The following PHACTR1 variants were observed in gnomAD, a reference collection of about 807,000 sequenced individuals.
PHACTR1 encodes the protein phosphatase and actin regulator 1, also known as RPEL repeat containing 1.
Under a neutral mutation model 69.2 loss-of-function variants are expected in PHACTR1, and 16 were observed. The ratio of observed to expected loss-of-function variants is 0.23; its 90% confidence interval spans 0.16 to 0.35. The LOEUF is 0.35. PHACTR1 is among the 10% of genes least tolerant of loss of function. PHACTR1 has a pLI of 1.00. For missense variants in PHACTR1, 510 were observed against 734.7 expected (o/e 0.69, Z 3.54); for synonymous variants, 312 against 284.5 (o/e 1.10, Z -0.97).
At chr6:13,039,322 T>C (rs146408410) in intron 4 of PHACTR1, among the ~76,000 whole-genome samples, 1 of 152,364 alleles carries the variant, frequency 6.6e-6, no homozygotes, top group African/African-American at 2.4e-5. Context: ...CAGTAATCAC[T>C]TAAATATGTT....
intron 4 of PHACTR1, among the ~76,000 whole-genome samples, chr6:13,021,457 G>C (rs1800962614): frequency 6.6e-6 from 1 of 152,066 alleles, no homozygotes; most frequent in Admixed American, 6.6e-5. Context: ...CCACTCTTTG[G>C]CTTTGCTGAA....
chr6:13,026,423 G>A lies in PHACTR1; in HGVS notation c.251-26942G>A, dbSNP rs978868984. On this transcript the variant is annotated intron_variant, in intron 4 of 14. Transcript: ENST00000332995. ...ATTCTCTGTTTTCCTTCTTGCAAAC[G>A]GGGCCCAGGTATAGGAGGGTCAAGC... 2.6e-5 allele frequency among the ~76,000 whole-genome samples: 4 copies of A among 152,056 alleles called. 1 individual carries two copies. The highest frequency in any genetic ancestry group is 4.8e-5 in the African/African-American group (2 of 41,402).
chr6:13,252,297 C>A, intron 10 of PHACTR1, among the ~76,000 whole-genome samples: 1 of 137,372 alleles, frequency 7.3e-6, no homozygotes, highest in Non-Finnish European at 1.5e-5. Flanking sequence ...CACTGCAGTC[C>A]AGCCTGAGCA....
At chr6:13,141,746 T>C (rs1822519507) in intron 5 of PHACTR1, among the ~76,000 whole-genome samples, 1 of 149,152 alleles carries the variant, frequency 6.7e-6, no homozygotes, top group African/African-American at 2.5e-5. Context: ...TTTTTTTTGT[T>C]GTGCTTGTTT....
intron 4 of PHACTR1, among the ~76,000 whole-genome samples, chr6:13,021,718 C>A (rs972241339): frequency 6.6e-6 from 1 of 152,166 alleles, no homozygotes; most frequent in Non-Finnish European, 1.5e-5. Flanking sequence ...ATGATAGCCA[C>A]CCTGCAGGAC....
chr6:13,053,834 G>A (rs774714498), intron 5 of PHACTR1, among the ~76,000 whole-genome samples: 17 of 152,118 alleles, frequency 1.1e-4, no homozygotes, highest in South Asian at 4.1e-4. Flanking sequence ...TCATTCTGGC[G>A]TTGATGATGC....
intron 4 of PHACTR1, among the ~76,000 whole-genome samples, chr6:12,784,076 T>C (rs1336414373): frequency 6.6e-6 from 1 of 152,050 alleles, no homozygotes; most frequent in East Asian, 1.9e-4. Context: ...GATATATGCA[T>C]GGACATACAC....
chr6:13,276,454 C>T (rs1778927360), intron 11 of PHACTR1, among the ~76,000 whole-genome samples: 1 of 151,924 alleles, frequency 6.6e-6, no homozygotes, highest in Non-Finnish European at 1.5e-5. Context: ...CCTTTCTAGG[C>T]ACAGGGGGTT....
rs77098069 is a variant in PHACTR1 at position 12,834,554 on chromosome 6, G to A, written c.250+84764G>A. 7.1e-3 allele frequency among the ~76,000 whole-genome samples: 1,074 copies of A among 152,242 alleles called. 17 individuals are homozygous for A. The highest frequency in any genetic ancestry group is 0.025 in the African/African-American group (1,020 of 41,544). ...AAAGGTATATGCAAAATGTGCACCCGTGAATAAAATTTATATAGATGTAGC... is the reference window on the plus strand; with the variant it reads ...AAAGGTATATGCAAAATGTGCACCCATGAATAAAATTTATATAGATGTAGC... On this transcript the variant is annotated intron_variant, in intron 4 of 14. Coordinates refer to ENST00000332995, the MANE Select transcript of PHACTR1 (RefSeq NM_030948.6).
intron 4 of PHACTR1, among the ~76,000 whole-genome samples, chr6:13,000,195 G>A (rs899587315): frequency 7.9e-5 from 12 of 152,190 alleles, no homozygotes; most frequent in Non-Finnish European, 1.2e-4. Context: ...AAGGCATGGT[G>A]TTGTTGAGGA....
chr6:13,118,108 A>C (rs879814327), intron 5 of PHACTR1, among the ~76,000 whole-genome samples: 2 of 152,246 alleles, frequency 1.3e-5, no homozygotes, highest in African/African-American at 2.4e-5. Context: ...AAAGCTTCCG[A>C]GAAATATTTT....
At chr6:13,115,668 T>C (rs573130803) in intron 5 of PHACTR1, among the ~76,000 whole-genome samples, 4 of 152,172 alleles carry the variant, frequency 2.6e-5, no homozygotes, top group South Asian at 2.1e-4. Flanking sequence ...CCCATCCTGA[T>C]GGCTTTAAAC....
At chr6:12,768,980 A>G (rs1769035731) in intron 4 of PHACTR1, among the ~76,000 whole-genome samples, 1 of 152,188 alleles carries the variant, frequency 6.6e-6, no homozygotes, top group South Asian at 2.1e-4. Flanking sequence ...AAGTATCAAC[A>G]TGATCTCACT....
chr6:12,877,555 G>A (rs921739582), intron 4 of PHACTR1, among the ~76,000 whole-genome samples: 1 of 152,146 alleles, frequency 6.6e-6, no homozygotes. Flanking sequence ...ACAGCCGTCT[G>A]TTTGCTCCTG....
At chr6:13,034,954 T>C (rs1310026210) in intron 4 of PHACTR1, among the ~76,000 whole-genome samples, 1 of 152,170 alleles carries the variant, frequency 6.6e-6, no homozygotes, top group East Asian at 1.9e-4. Flanking sequence ...AAATATTGAC[T>C]TCATGTTGTC....
chr6:12,769,698 T>C (rs929975980), intron 4 of PHACTR1, among the ~76,000 whole-genome samples: 1 of 152,208 alleles, frequency 6.6e-6, no homozygotes, highest in Non-Finnish European at 1.5e-5. Flanking sequence ...GCTAATAAGC[T>C]TTAGCGACTC....
chr6:13,227,769 C>T (rs750197287), intron 8 of PHACTR1, 47 bp from the exon 9 acceptor site: 15 of 1,596,258 alleles, frequency 9.4e-6, no homozygotes, highest in Non-Finnish European at 8.5e-7. Flanking sequence ...ATTTATATAG[C>T]ACGTTAGCCA....
intron 4 of PHACTR1, among the ~76,000 whole-genome samples, chr6:12,840,305 G>GA (rs34395751): frequency 0.2 from 29,781 of 152,120 alleles, 3,215 homozygotes; most frequent in African/African-American, 0.28. Context: ...GATCTTTATA[G>GA]AATTCATCTA....
At chr6:12,915,015 A>C (rs1250596187) in intron 4 of PHACTR1, among the ~76,000 whole-genome samples, 1 of 152,170 alleles carries the variant, frequency 6.6e-6, no homozygotes, top group African/African-American at 2.4e-5. Context: ...TTCACAAGGG[A>C]GTTGGAGCTC....
Sources: gnomAD v4.1 joint callset for allele counts (sites outside exome capture counted in the v4.1 genomes callset) on GRCh38, gnomAD v4.1.1 for gene constraint, MANE v1.5 for transcripts, NCBI Gene and HGNC (gene_info 2026-07-23, HGNC 2026-07-21) for gene names.